Variants in OPHN1 observed in about 807,000 individuals in gnomAD.
The protein encoded by OPHN1 is oligophrenin 1.
In OPHN1, 11 loss-of-function variants were observed where a neutral mutation model predicts 60.7. That is an observed-to-expected ratio of 0.18 (90% CI 0.11 to 0.30). The LOEUF (loss-of-function observed/expected upper bound fraction) is 0.30, where lower values mean the gene tolerates loss of function less well. OPHN1 is among the 10% of genes least tolerant of loss of function. The pLI is 1.00. For synonymous variants in OPHN1, 226 were observed against 222.6 expected (o/e 1.02, Z -0.14); for missense variants, 449 against 611.0 (o/e 0.73, Z 2.80).
chrX:68,416,063 TATATAGAGAGAGAG>T (rs1339380489), intron 2 of OPHN1, among the ~76,000 whole-genome samples: 84 of 6,290 alleles, frequency 0.013, no homozygotes, highest in African/African-American at 0.021. Flanking sequence ...TATATATATA[TATATAGAGAGAGAG>T]AGAGAGAGAG....
At chrX:68,170,724 C>T (rs1234949084) in intron 15 of OPHN1, among the ~76,000 whole-genome samples, 1 of 93,288 alleles carries the variant, frequency 1.1e-5, no homozygotes, top group Non-Finnish European at 2.0e-5. Flanking sequence ...TAGGTGGGAA[C>T]TGAACAATGA....
intron 15 of OPHN1, among the ~76,000 whole-genome samples, chrX:68,167,406 A>T (rs906278952): frequency 1.3e-4 from 14 of 111,252 alleles, no homozygotes; most frequent in Admixed American, 9.6e-4. Context: ...TAGGAATGTA[A>T]ATTAGTACAA....
intron 15 of OPHN1, among the ~76,000 whole-genome samples, chrX:68,127,686 T>C (rs1484042751): frequency 8.9e-6 from 1 of 112,327 alleles, no homozygotes; most frequent in African/African-American, 3.2e-5. Context: ...TAGAAGCTTA[T>C]GATCAGAAGC....
At chrX:68,358,387 T>G (rs977866665) in intron 2 of OPHN1, among the ~76,000 whole-genome samples, 5 of 111,177 alleles carry the variant, frequency 4.5e-5, no homozygotes, top group African/African-American at 1.3e-4. Flanking sequence ...TATAAGTCAT[T>G]GTACACAGGG....
chrX:68,090,240 G>GTT (rs2077011756), intron 19 of OPHN1, among the ~76,000 whole-genome samples: 1 of 97,579 alleles, frequency 1.0e-5, no homozygotes, highest in East Asian at 3.7e-4. Flanking sequence ...AAGTGTGTGT[G>GTT]TCTGTGTGTG....
intron 3 of OPHN1, among the ~76,000 whole-genome samples, chrX:68,298,617 A>G (rs1459821582): frequency 8.9e-6 from 1 of 111,959 alleles, no homozygotes; most frequent in Non-Finnish European, 1.9e-5. Flanking sequence ...TAGACACACA[A>G]ATGCTAATTT....
chrX:68,226,704 C>G (rs529935901), intron 6 of OPHN1, among the ~76,000 whole-genome samples: 2 of 111,595 alleles, frequency 1.8e-5, no homozygotes, highest in Admixed American at 1.9e-4. Flanking sequence ...ACTACCAGTC[C>G]TGCCTTACAA....
chrX:68,168,107 T>C (rs752814265), intron 15 of OPHN1, among the ~76,000 whole-genome samples: 216 of 110,531 alleles, frequency 2.0e-3, no homozygotes, highest in Middle Eastern at 0.019. Flanking sequence ...GACAGAACGT[T>C]AACAAGGATA....
intron 5 of OPHN1, among the ~76,000 whole-genome samples, chrX:68,237,645 TTAA>T (rs1305276466): frequency 8.9e-6 from 1 of 112,355 alleles, no homozygotes; most frequent in African/African-American, 3.2e-5. Context: ...GTTCACATTA[TTAA>T]TGTCAATAGA....
chrX:68,214,110 G>C, intron 6 of OPHN1, 138 bp from the exon 7 acceptor site: 1 of 485,590 alleles, frequency 2.1e-6, no homozygotes, highest in Non-Finnish European at 3.7e-6. Flanking sequence ...TTTAGAAATA[G>C]AGAACCTAAA....
chrX:68,155,097 C>A (rs2077303576), intron 15 of OPHN1, among the ~76,000 whole-genome samples: 1 of 110,197 alleles, frequency 9.1e-6, no homozygotes, highest in African/African-American at 3.3e-5. Flanking sequence ...TCTACCCATC[C>A]CAAGAAAAGC....
chrX:68,388,963 T>G (rs1033044999), intron 2 of OPHN1, among the ~76,000 whole-genome samples: 1 of 108,822 alleles, frequency 9.2e-6, no homozygotes, highest in African/African-American at 3.3e-5. Context: ...AGTCAACATT[T>G]TTTTTTTTTT....
intron 15 of OPHN1, among the ~76,000 whole-genome samples, chrX:68,133,638 G>T (rs190065140): frequency 9.0e-6 from 1 of 111,560 alleles, no homozygotes. Flanking sequence ...CCCTTTTTCT[G>T]CTCATCCAGT....
At chrX:68,053,917 C>A in intron 21 of OPHN1, 107 bp from the exon 22 acceptor site, 1 of 803,438 alleles carries the variant, frequency 1.2e-6, no homozygotes, top group Non-Finnish European at 1.8e-6. Flanking sequence ...CCTTGGCCTC[C>A]ATTTCTTCTT....
chrX:68,189,509 C>T (rs1312161901), intron 15 of OPHN1, among the ~76,000 whole-genome samples: 1 of 108,316 alleles, frequency 9.2e-6, no homozygotes, highest in African/African-American at 3.4e-5. Context: ...TCCCACCTCC[C>T]CCAACCCCAC....
chrX:68,184,642 G>C (rs143958766), intron 15 of OPHN1, among the ~76,000 whole-genome samples: 2,010 of 110,980 alleles, frequency 0.018, 46 homozygotes, highest in African/African-American at 0.061. Flanking sequence ...TGTTGCCCAG[G>C]CTGGAGTGCA....
intron 2 of OPHN1, among the ~76,000 whole-genome samples, chrX:68,305,053 T>C (rs1052095095): frequency 1.6e-4 from 18 of 110,056 alleles, no homozygotes; most frequent in Non-Finnish European, 3.0e-4. Context: ...CCAAAACACT[T>C]GGTAAAAAAA....
chrX:68,114,685 A>G (rs1003058248), intron 16 of OPHN1, among the ~76,000 whole-genome samples: 6 of 110,824 alleles, frequency 5.4e-5, no homozygotes, highest in African/African-American at 2.0e-4. Flanking sequence ...GGACTGCTTC[A>G]GCCTGAGAGA....
intron 15 of OPHN1, among the ~76,000 whole-genome samples, chrX:68,150,165 G>A (rs1398492552): frequency 9.0e-6 from 1 of 111,694 alleles, no homozygotes; most frequent in Non-Finnish European, 1.9e-5. Flanking sequence ...GAGAAAAACA[G>A]GAATGAGGAG....
Sources: allele counts gnomAD v4.1 joint callset (sites outside exome capture counted in the v4.1 genomes callset), GRCh38; gene constraint gnomAD v4.1.1; transcripts MANE v1.5; gene names NCBI Gene and HGNC (gene_info 2026-07-23, HGNC 2026-07-21).